Variants in IKBKB-DT observed in about 807,000 individuals in gnomAD.
IKBKB-DT encodes IKBKB divergent transcript.
intron 2 of IKBKB-DT, chr8:42,263,571 A>C (rs945750936): frequency 1.3e-5 from 2 of 152,202 alleles, no homozygotes; most frequent in Non-Finnish European, 2.9e-5. Context: ...AAATGAGTAA[A>C]ATCTAGAGGG....
At chr8:42,238,938 T>C (rs76214750) in intron 3 of IKBKB-DT, among the ~76,000 whole-genome samples, 2,436 of 152,204 alleles carry the variant, frequency 0.016, 79 homozygotes, top group African/African-American at 0.057. Context: ...TCCCATCCTT[T>C]TGCTTGGCGA....
chr8:42,271,219 G>C (rs1321854533), exon 1 of IKBKB-DT: 1 of 640,778 alleles, frequency 1.6e-6, no homozygotes, highest in Non-Finnish European at 2.8e-6. Flanking sequence ...TCCCGGGACA[G>C]GCGCAGCACT....
At chr8:42,260,375 G>C (rs1807268884) in intron 3 of IKBKB-DT, among the ~76,000 whole-genome samples, 1 of 152,028 alleles carries the variant, frequency 6.6e-6, no homozygotes. Context: ...TTAAAAAAAA[G>C]CCTTTCAAGG....
intron 2 of IKBKB-DT, among the ~76,000 whole-genome samples, chr8:42,265,228 C>A: frequency 6.6e-6 from 1 of 152,204 alleles, no homozygotes; most frequent in East Asian, 1.9e-4. Flanking sequence ...AACTCCTAGA[C>A]TCAAGTGATC....
chr8:42,268,129 A>ATTTTTT (rs541093630), intron 1 of IKBKB-DT, among the ~76,000 whole-genome samples: 1 of 130,400 alleles, frequency 7.7e-6, no homozygotes, highest in Admixed American at 7.8e-5. Context: ...GTGCTCAATA[A>ATTTTTT]TTTTTTTTTT....
intron 3 of IKBKB-DT, among the ~76,000 whole-genome samples, chr8:42,260,380 T>C (rs1301383400): frequency 6.6e-6 from 1 of 152,004 alleles, no homozygotes; most frequent in Non-Finnish European, 1.5e-5. Flanking sequence ...AAAAAGCCTT[T>C]CAAGGCCGGG....
intron 3 of IKBKB-DT, among the ~76,000 whole-genome samples, chr8:42,254,651 C>T (rs750553592): frequency 3.3e-4 from 50 of 150,588 alleles, no homozygotes; most frequent in Non-Finnish European, 4.0e-4. Context: ...CACCTCTGCC[C>T]GGCCAGCCTG....
intron 3 of IKBKB-DT, among the ~76,000 whole-genome samples, chr8:42,234,829 C>A (rs1487257001): frequency 6.6e-6 from 1 of 152,152 alleles, no homozygotes; most frequent in African/African-American, 2.4e-5. Context: ...GGCATTTCAC[C>A]ATGTTGGTGA....
Position 42,258,740 on chromosome 8 carries a change from T to G in IKBKB-DT, n.1529+4589A>C, listed in dbSNP as rs571839206. ...GCCTCGGCCTCCCAAAGTGCTGGAA[T>G]TACAGACTTGAGCCACCGCGCCCAG... On this transcript the variant is annotated intron_variant and non_coding_transcript_variant, in intron 3 of 3. Transcript: ENST00000518213. 9.5e-4 allele frequency among the ~76,000 whole-genome samples: 144 copies of G among 152,254 alleles called. 1 individual carries two copies. The highest frequency in any genetic ancestry group is 3.3e-3 in the African/African-American group (136 of 41,542).
intron 1 of IKBKB-DT, among the ~76,000 whole-genome samples, chr8:42,269,929 G>A (rs189142484): frequency 6.6e-6 from 1 of 152,234 alleles, no homozygotes; most frequent in African/African-American, 2.4e-5. Context: ...TGATGTTTTG[G>A]CTGTTTTCAA....
intron 3 of IKBKB-DT, among the ~76,000 whole-genome samples, chr8:42,240,968 C>T (rs1050992479): frequency 3.3e-5 from 5 of 151,844 alleles, no homozygotes; most frequent in African/African-American, 7.3e-5. Flanking sequence ...TAGCAAGACT[C>T]CGTCTCAAAA....
At chr8:42,261,304 G>C (rs2129930373) in intron 3 of IKBKB-DT, among the ~76,000 whole-genome samples, 1 of 152,194 alleles carries the variant, frequency 6.6e-6, no homozygotes, top group Non-Finnish European at 1.5e-5. Flanking sequence ...CTCCAGCCTG[G>C]GTGACAGTGA....
intron 3 of IKBKB-DT, among the ~76,000 whole-genome samples, chr8:42,259,861 A>C (rs1807257496): frequency 6.6e-6 from 1 of 152,022 alleles, no homozygotes; most frequent in Non-Finnish European, 1.5e-5. Context: ...AGGAGTCTGT[A>C]ATTTCAGCTA....
At chr8:42,250,391 T>C (rs756674052) in intron 3 of IKBKB-DT, among the ~76,000 whole-genome samples, 3 of 152,122 alleles carry the variant, frequency 2.0e-5, no homozygotes, top group Non-Finnish European at 4.4e-5. Flanking sequence ...GCAGGGGTAA[T>C]TGGGGGAAGT....
At chr8:42,266,880 C>A (rs1807377517) in intron 1 of IKBKB-DT, among the ~76,000 whole-genome samples, 2 of 152,108 alleles carry the variant, frequency 1.3e-5, no homozygotes, top group Non-Finnish European at 2.9e-5. Context: ...GAATAACCCA[C>A]CCCTTGTTTA....
chr8:42,245,845 T>C (rs372281184), intron 3 of IKBKB-DT, among the ~76,000 whole-genome samples: 79 of 152,314 alleles, frequency 5.2e-4, no homozygotes, highest in African/African-American at 1.9e-3. Context: ...TCTGAAACTC[T>C]TGACATATAA....
chr8:42,261,799 T>C (rs1011606822), intron 3 of IKBKB-DT, among the ~76,000 whole-genome samples: 8 of 152,190 alleles, frequency 5.3e-5, no homozygotes, highest in Admixed American at 5.2e-4. Context: ...TGACAGACAC[T>C]GGTCACAGAT....
chr8:42,271,191 G>T (rs1039605738), exon 1 of IKBKB-DT: 9 of 595,198 alleles, frequency 1.5e-5, no homozygotes, highest in Middle Eastern at 7.9e-4. Context: ...CGCCCCGGGG[G>T]AGTCGCCCGG....
rs1185713118 is a variant in IKBKB-DT at position 42,252,629 on chromosome 8, T to C, written n.1529+10700A>G. Among the ~76,000 whole-genome samples the C allele has an allele frequency of 2.0e-5, 3 of 152,184 alleles. No homozygotes were observed. In the East Asian group the frequency reaches 5.8e-4, roughly 29 times the overall value. On this transcript the variant is annotated intron_variant and non_coding_transcript_variant, in intron 3 of 3. Transcript: ENST00000518213. ...CAATCCTCCTGCGCTGGCCTCCCAA[T>C]GTGCTGGGATTACAGGCGTGAGCCA...
Sources: allele counts gnomAD v4.1 joint callset (sites outside exome capture counted in the v4.1 genomes callset), GRCh38; gene constraint gnomAD v4.1.1; transcripts MANE v1.5; gene names NCBI Gene and HGNC (gene_info 2026-07-23, HGNC 2026-07-21).